RUNX2: variants seen among roughly 807,000 people sequenced by gnomAD.
RUNX2 encodes the protein runt-related transcription factor 2.
Under a neutral mutation model 51.7 loss-of-function variants are expected in RUNX2, and 10 were observed. The observed-to-expected ratio is 0.19, with a 90% confidence interval of 0.12 to 0.33. The LOEUF (loss-of-function observed/expected upper bound fraction) is 0.33. Among genes scored for constraint, RUNX2 ranks in the 10% least tolerant of loss-of-function variants. RUNX2 has a pLI of 1.00. For synonymous variants in RUNX2, 276 were observed against 273.6 expected, an observed-to-expected ratio of 1.01 and a Z score of -0.09; for missense variants, 562 against 691.3, an observed-to-expected ratio of 0.81 and a Z score of 2.10.
intron 2 of RUNX2, among the ~76,000 whole-genome samples, chr6:45,408,711 T>A (rs1037658974): frequency 6.6e-6 from 1 of 152,112 alleles, no homozygotes; most frequent in East Asian, 1.9e-4. Context: ...CTCTTCCTCC[T>A]GTGTATCAAC....
chr6:45,518,788 G>T (rs1205756633), intron 7 of RUNX2, among the ~76,000 whole-genome samples: 2 of 152,122 alleles, frequency 1.3e-5, no homozygotes, highest in Non-Finnish European at 2.9e-5. Context: ...TTTTATTGAG[G>T]ATTTGCTGAA....
chr6:45,526,080 C>T (rs571760004), intron 7 of RUNX2, among the ~76,000 whole-genome samples: 4 of 152,166 alleles, frequency 2.6e-5, no homozygotes, highest in Non-Finnish European at 5.9e-5. Flanking sequence ...ACAGGAGCAA[C>T]TATGATAGAT....
intron 5 of RUNX2, among the ~76,000 whole-genome samples, chr6:45,476,370 G>A (rs1799956700): frequency 6.7e-6 from 1 of 149,016 alleles, no homozygotes; most frequent in Admixed American, 6.7e-5. Flanking sequence ...GATAGGCTGG[G>A]GAGGATGGTT....
Position 45,332,271 on chromosome 6 carries a change from A to T in RUNX2, c.58+3487A>T, listed in dbSNP as rs374130386. Reference sequence around the variant, plus strand: ...CCCCGATTCAAGAGCTGCTCACATGAAAACTGTGGTAATATTTTTATACTG... The same window carrying T: ...CCCCGATTCAAGAGCTGCTCACATGTAAACTGTGGTAATATTTTTATACTG... On this transcript the variant is annotated intron_variant, in intron 2 of 8. Coordinates refer to ENST00000647337, the MANE Select transcript of RUNX2 (RefSeq NM_001024630.4). 2.0e-5 allele frequency among the ~76,000 whole-genome samples: 3 copies of T among 151,672 alleles called. No individual in the cohort carries two copies. In the South Asian group the frequency reaches 6.2e-4, roughly 31 times the overall value.
intron 5 of RUNX2, among the ~76,000 whole-genome samples, chr6:45,458,740 T>C (rs769997197): frequency 1.3e-5 from 2 of 152,188 alleles, no homozygotes; most frequent in Non-Finnish European, 2.9e-5. Flanking sequence ...ATAAAACTCA[T>C]ATGTAATAAT....
chr6:45,404,631 C>A (rs1416030417), intron 2 of RUNX2, among the ~76,000 whole-genome samples: 1 of 152,194 alleles, frequency 6.6e-6, no homozygotes, highest in African/African-American at 2.4e-5. Flanking sequence ...TGCCTGTCTG[C>A]AGCATATTAG....
chr6:45,353,994 C>T (rs914861198), intron 2 of RUNX2, among the ~76,000 whole-genome samples: 1 of 151,982 alleles, frequency 6.6e-6, no homozygotes, highest in Non-Finnish European at 1.5e-5. Flanking sequence ...TATTTTCAAG[C>T]TCAGTTGTCA....
At chr6:45,379,616 C>T (rs140992307) in intron 2 of RUNX2, among the ~76,000 whole-genome samples, 2,211 of 152,162 alleles carry the variant, frequency 0.015, 57 homozygotes, top group African/African-American at 0.048. Context: ...CCTGTAATCC[C>T]AGCACTTTGG....
chr6:45,444,718 G>A (rs937076245), intron 5 of RUNX2, among the ~76,000 whole-genome samples: 2 of 152,160 alleles, frequency 1.3e-5, no homozygotes, highest in Non-Finnish European at 2.9e-5. Flanking sequence ...TTTGAGGCAT[G>A]TCCAATTGCA....
At chr6:45,446,689 C>T (rs761868724) in intron 5 of RUNX2, among the ~76,000 whole-genome samples, 3 of 152,072 alleles carry the variant, frequency 2.0e-5, no homozygotes, top group Admixed American at 1.3e-4. Flanking sequence ...ATTGCTTTTC[C>T]CATTCATACC....
intron 6 of RUNX2, among the ~76,000 whole-genome samples, chr6:45,509,812 T>A (rs917253589): frequency 6.6e-6 from 1 of 152,206 alleles, no homozygotes; most frequent in African/African-American, 2.4e-5. Context: ...TATTTGTTCT[T>A]GTTTTTAGGC....
intron 2 of RUNX2, among the ~76,000 whole-genome samples, chr6:45,415,341 A>C (rs1467458): frequency 0.91 from 138,930 of 152,264 alleles, 63,647 homozygotes; most frequent in African/African-American, 0.96. Flanking sequence ...ATACAGCAAC[A>C]AAGTAAGAGT....
intron 2 of RUNX2, among the ~76,000 whole-genome samples, chr6:45,412,049 G>A (rs1259925992): frequency 4.6e-5 from 7 of 151,960 alleles, no homozygotes; most frequent in Admixed American, 1.3e-4. Context: ...GTAAAAATCC[G>A]AATTAAAACT....
chr6:45,357,314 C>G (rs1242348602), intron 2 of RUNX2, among the ~76,000 whole-genome samples: 1 of 151,780 alleles, frequency 6.6e-6, no homozygotes, highest in Non-Finnish European at 1.5e-5. Context: ...GTCAAGAATC[C>G]ATTTTTATCT....
chr6:45,361,008 C>T (rs1445036533), intron 2 of RUNX2, among the ~76,000 whole-genome samples: 1 of 152,178 alleles, frequency 6.6e-6, no homozygotes, highest in African/African-American at 2.4e-5. Context: ...CACAGTGGCA[C>T]ATGCCTGTAG....
At chr6:45,372,295 G>C (rs1796177523) in intron 2 of RUNX2, among the ~76,000 whole-genome samples, 1 of 152,254 alleles carries the variant, frequency 6.6e-6, no homozygotes, top group African/African-American at 2.4e-5. Flanking sequence ...AAAGCCCTTA[G>C]TAAACCGCCT....
intron 6 of RUNX2, among the ~76,000 whole-genome samples, chr6:45,502,467 G>A (rs1443214446): frequency 5.3e-5 from 8 of 152,270 alleles, no homozygotes; most frequent in East Asian, 1.9e-4. Context: ...CGCTGAATTA[G>A]AAGGTGTGAG....
At chr6:45,457,936 G>A (rs1259007060) in intron 5 of RUNX2, among the ~76,000 whole-genome samples, 3 of 152,116 alleles carry the variant, frequency 2.0e-5, no homozygotes, top group Non-Finnish European at 4.4e-5. Context: ...GAAGCTCACA[G>A]GCATATGAAG....
intron 2 of RUNX2, among the ~76,000 whole-genome samples, chr6:45,366,381 G>A (rs952292005): frequency 2.6e-5 from 4 of 152,102 alleles, no homozygotes; most frequent in African/African-American, 7.2e-5. Context: ...AAATGGCAAC[G>A]ATAATCTCAC....
Sources: gnomAD v4.1 joint callset for allele counts (sites outside exome capture counted in the v4.1 genomes callset) on GRCh38, gnomAD v4.1.1 for gene constraint, MANE v1.5 for transcripts, NCBI Gene and HGNC (gene_info 2026-07-23, HGNC 2026-07-21) for gene names.